SORCS1: variants seen among roughly 807,000 people sequenced by gnomAD.
SORCS1 encodes the protein VPS10 domain-containing receptor SorCS1.
Under a neutral mutation model 146.1 loss-of-function variants are expected in SORCS1, and 60 were observed. That is an observed-to-expected ratio of 0.41 (90% CI 0.33 to 0.51). The LOEUF is 0.51. Among genes scored for constraint, SORCS1 ranks in the 20% least tolerant of loss-of-function variants. The probability of loss-of-function intolerance (pLI) is 0.21; values close to 1 mark genes in which losing one functional copy is unlikely to be tolerated. For synonymous variants in SORCS1, 637 were observed against 584.0 expected (o/e 1.09, Z -1.31); for missense variants, 1,352 against 1,487.6 (o/e 0.91, Z 1.50).
At chr10:106,868,479 C>A (rs1294957833) in intron 2 of SORCS1, among the ~76,000 whole-genome samples, 1 of 152,070 alleles carries the variant, frequency 6.6e-6, no homozygotes, top group Non-Finnish European at 1.5e-5. Flanking sequence ...GGAAAAGAAC[C>A]AAATTCATAC....
chr10:107,156,055 G>T (rs577984991), intron 1 of SORCS1, among the ~76,000 whole-genome samples: 2 of 152,042 alleles, frequency 1.3e-5, no homozygotes, highest in Non-Finnish European at 2.9e-5. Flanking sequence ...ATCATGGAGC[G>T]GGTTATTGCC....
chr10:106,636,552 C>T lies in SORCS1; in HGVS notation c.2476-7164G>A, dbSNP rs572275319. Reference sequence around the variant, plus strand: ...ATCATAGTGGAAGGGAAAGCAGGCACGTCTTGTAGGAGGAACTGTCAAATA... The same window carrying T: ...ATCATAGTGGAAGGGAAAGCAGGCATGTCTTGTAGGAGGAACTGTCAAATA... On this transcript the variant is annotated intron_variant, in intron 18 of 25. Coordinates refer to ENST00000263054, the MANE Select transcript of SORCS1 (RefSeq NM_052918.5). Among the ~76,000 whole-genome samples the T allele has an allele frequency of 8.2e-4, 125 of 152,172 alleles. 1 individual carries two copies. The highest frequency in any genetic ancestry group is 2.9e-3 in the African/African-American group (122 of 41,510).
At chr10:106,926,848 CACACACACACACACACACAGAG>C (rs1172385298) in intron 2 of SORCS1, among the ~76,000 whole-genome samples, 11 of 129,626 alleles carry the variant, frequency 8.5e-5, no homozygotes, top group African/African-American at 3.9e-4. Context: ...CACACACACA[CACACACACACACACACACAGAG>C]AGAGAGAGAG....
intron 1 of SORCS1, among the ~76,000 whole-genome samples, chr10:107,102,359 A>T (rs1313996314): frequency 6.6e-6 from 1 of 152,098 alleles, no homozygotes; most frequent in Non-Finnish European, 1.5e-5. Flanking sequence ...ATTTGAGACG[A>T]CCTCTGGATA....
At chr10:106,849,374 G>C (rs903843850) in intron 2 of SORCS1, among the ~76,000 whole-genome samples, 13 of 148,374 alleles carry the variant, frequency 8.8e-5, no homozygotes, top group African/African-American at 3.0e-4. Flanking sequence ...CCAGTTGATC[G>C]CATCGGCTCC....
intron 13 of SORCS1, among the ~76,000 whole-genome samples, chr10:106,676,980 C>G (rs146317567): frequency 1.5e-3 from 229 of 152,276 alleles, no homozygotes; most frequent in African/African-American, 5.3e-3. Context: ...ACCTCCTCTT[C>G]TTTACCCTTC....
intron 6 of SORCS1, among the ~76,000 whole-genome samples, chr10:106,711,808 C>G (rs764090633): frequency 3.9e-5 from 6 of 152,134 alleles, no homozygotes; most frequent in Admixed American, 6.6e-5. Context: ...TGGGACTATC[C>G]CTTCCCAGAA....
chr10:106,792,300 T>C (rs1946355048), intron 3 of SORCS1, among the ~76,000 whole-genome samples: 1 of 152,264 alleles, frequency 6.6e-6, no homozygotes, highest in Non-Finnish European at 1.5e-5. Flanking sequence ...TTTTGTACTA[T>C]GTCATCAATT....
At chr10:107,054,151 G>A (rs1174215129) in intron 1 of SORCS1, among the ~76,000 whole-genome samples, 2 of 152,172 alleles carry the variant, frequency 1.3e-5, no homozygotes, top group Non-Finnish European at 1.5e-5. Context: ...ACAACAAGTG[G>A]TTGAAAACGA....
intron 1 of SORCS1, among the ~76,000 whole-genome samples, chr10:107,055,496 G>A (rs1960535413): frequency 6.6e-6 from 1 of 152,166 alleles, no homozygotes; most frequent in Non-Finnish European, 1.5e-5. Flanking sequence ...AAAAAGCAAA[G>A]CCAGTCTTGT....
At chr10:106,615,068 T>C (rs906670040) in intron 21 of SORCS1, among the ~76,000 whole-genome samples, 9 of 151,964 alleles carry the variant, frequency 5.9e-5, no homozygotes, top group African/African-American at 1.7e-4. Flanking sequence ...CATGTTCCCA[T>C]CAATCTCACT....
At chr10:106,830,950 T>G (rs1054437856) in intron 2 of SORCS1, among the ~76,000 whole-genome samples, 2 of 151,738 alleles carry the variant, frequency 1.3e-5, no homozygotes, top group African/African-American at 2.4e-5. Context: ...ATCTCAGCAC[T>G]TTGGGAGGCT....
At chr10:106,962,412 A>AAAC (rs1464290245) in intron 1 of SORCS1, among the ~76,000 whole-genome samples, 3 of 150,064 alleles carry the variant, frequency 2.0e-5, no homozygotes, top group Non-Finnish European at 4.4e-5. Flanking sequence ...AAAAAAAAAA[A>AAAC]AAAGAAAGAA....
At chr10:106,795,836 G>A (rs546828510) in intron 3 of SORCS1, among the ~76,000 whole-genome samples, 1 of 152,286 alleles carries the variant, frequency 6.6e-6, no homozygotes, top group African/African-American at 2.4e-5. Context: ...AATGAGATAC[G>A]GGGTCCATCT....
chr10:107,048,333 A>T (rs1349831375), intron 1 of SORCS1, among the ~76,000 whole-genome samples: 1 of 152,208 alleles, frequency 6.6e-6, no homozygotes, highest in East Asian at 1.9e-4. Flanking sequence ...TTGTAACAAC[A>T]TAAATTACCT....
chr10:106,779,816 T>C (rs907550034), intron 3 of SORCS1, among the ~76,000 whole-genome samples: 8 of 152,110 alleles, frequency 5.3e-5, no homozygotes, highest in African/African-American at 1.7e-4. Context: ...AACTGAGCCA[T>C]AGACACACAA....
intron 17 of SORCS1, among the ~76,000 whole-genome samples, chr10:106,663,209 G>A (rs573444527): frequency 3.3e-5 from 5 of 152,084 alleles, no homozygotes; most frequent in African/African-American, 9.6e-5. Flanking sequence ...ATGAGAAAGT[G>A]CCCTTATATA....
At chr10:106,829,755 T>A in intron 2 of SORCS1, 82 bp from the exon 3 acceptor site, 1 of 978,774 alleles carries the variant, frequency 1.0e-6, no homozygotes, top group Non-Finnish European at 1.6e-6. Context: ...CTTTACACAG[T>A]AGAATGGCTC....
chr10:107,065,481 T>C (rs1305002588), intron 1 of SORCS1, among the ~76,000 whole-genome samples: 3 of 78,672 alleles, frequency 3.8e-5, no homozygotes, highest in Admixed American at 1.3e-4. Flanking sequence ...TCCTCTCCTC[T>C]CCTCTCCTCT....
Sources: gnomAD v4.1 joint callset for allele counts (sites outside exome capture counted in the v4.1 genomes callset) on GRCh38, gnomAD v4.1.1 for gene constraint, MANE v1.5 for transcripts, NCBI Gene and HGNC (gene_info 2026-07-23, HGNC 2026-07-21) for gene names.